The following UHRF1 variants were observed in gnomAD, a reference collection of about 807,000 sequenced individuals.
UHRF1 encodes the protein ubiquitin like with PHD and ring finger domains 1.
Under a neutral mutation model 96.5 loss-of-function variants are expected in UHRF1, and 9 were observed. That is an observed-to-expected ratio of 0.09 (90% confidence interval 0.06 to 0.16). The LOEUF is 0.16. UHRF1 is among the 10% of genes least tolerant of loss of function. The pLI is 1.00. For missense variants in UHRF1, 626 were observed against 1,131.1 expected, an observed-to-expected ratio of 0.55 and a Z score of 6.40; for synonymous variants, 455 against 469.9, an observed-to-expected ratio of 0.97 and a Z score of 0.41.
intron 5 of UHRF1, among the ~76,000 whole-genome samples, chr19:4,934,464 C>T (rs1334199905): frequency 6.6e-6 from 1 of 152,208 alleles, no homozygotes; most frequent in Non-Finnish European, 1.5e-5. Context: ...GAAACACTCA[C>T]TCCCTAGCCC....
intron 2 of UHRF1, among the ~76,000 whole-genome samples, chr19:4,915,028 C>T (rs1415432938): frequency 6.6e-6 from 1 of 152,234 alleles, no homozygotes; most frequent in Admixed American, 6.5e-5. Flanking sequence ...TGGCCTCCAC[C>T]CACTCCATGC....
intron 16 of UHRF1, 147 bp downstream of exon 16, chr19:4,956,960 T>G (rs1160959265): frequency 3.0e-6 from 2 of 664,096 alleles, no homozygotes; most frequent in Non-Finnish European, 5.4e-6. Context: ...TGTTGACTGC[T>G]TTCTGGGCAG....
At chr19:4,909,932 C>T (rs1199858939) in intron 1 of UHRF1, among the ~76,000 whole-genome samples, 1 of 150,886 alleles carries the variant, frequency 6.6e-6, no homozygotes, top group Non-Finnish European at 1.5e-5. Context: ...ATGTCAGGCT[C>T]CGCGCCTGCG....
At chr19:4,927,053 T>A in intron 2 of UHRF1, among the ~76,000 whole-genome samples, 1 of 151,200 alleles carries the variant, frequency 6.6e-6, no homozygotes, top group East Asian at 1.9e-4. Flanking sequence ...AGAGCAAGAT[T>A]CCGCCTCAAA....
At chr19:4,939,336 A>G (rs2033315359) in intron 5 of UHRF1, among the ~76,000 whole-genome samples, 1 of 150,180 alleles carries the variant, frequency 6.7e-6, no homozygotes, top group Non-Finnish European at 1.5e-5. Context: ...TGCTGGGATT[A>G]TAGGTATGAG....
At chr19:4,952,227 G>A (rs376860623) in intron 13 of UHRF1, among the ~76,000 whole-genome samples, 8 of 151,794 alleles carry the variant, frequency 5.3e-5, no homozygotes, top group African/African-American at 1.9e-4. Flanking sequence ...TGAGTAGCTG[G>A]GATTACAGGT....
At chr19:4,937,118 T>G (rs2033240333) in intron 5 of UHRF1, among the ~76,000 whole-genome samples, 2 of 152,174 alleles carry the variant, frequency 1.3e-5, no homozygotes, top group Non-Finnish European at 1.5e-5. Context: ...ATTTTACAAT[T>G]TCAACTTTGT....
chr19:4,931,455 T>G lies in UHRF1; in HGVS notation c.569+579T>G, dbSNP rs1017128906. On this transcript the variant is annotated intron_variant, in intron 4 of 16. Coordinates refer to ENST00000650932, the MANE Select transcript of UHRF1 (RefSeq NM_001048201.3). ...CCACACCCAGCTAATGTTTGTATTT[T>G]TATTTTATTTTATTTTTATTTTATT... Among the ~76,000 whole-genome samples, 12 of 151,790 alleles carry G rather than the reference T, an allele frequency of 7.9e-5. 1 individual carries two copies. Among genetic ancestry groups the G allele is most frequent in the African/African-American group, 2.7e-4 (11 of 41,306 alleles).
At chr19:4,925,158 A>G (rs1234563424) in intron 2 of UHRF1, among the ~76,000 whole-genome samples, 2 of 152,072 alleles carry the variant, frequency 1.3e-5, no homozygotes, top group African/African-American at 4.8e-5. Flanking sequence ...GCTTTATTAT[A>G]TCCCTGCAGT....
chr19:4,943,420 G>A (rs2033466470), intron 7 of UHRF1, among the ~76,000 whole-genome samples: 2 of 151,732 alleles, frequency 1.3e-5, no homozygotes, highest in Non-Finnish European at 1.5e-5. Flanking sequence ...GGGAGGTTGT[G>A]ATGTGCTAGG....
rs1307709709 is a variant in UHRF1 at position 4,939,761 on chromosome 19, A to C, written c.786-1767A>C. On this transcript the variant is annotated intron_variant, in intron 5 of 16. Transcript: ENST00000650932. ...ACATGGGTGCCAGGCGCAGTGGCTC[A>C]TGCCTGTAATCCCAGTACTTTGGGG... Among the ~76,000 whole-genome samples the C allele has an allele frequency of 2.6e-5, 4 of 152,314 alleles. No individual in the cohort carries two copies. The East Asian group carries it at 5.8e-4, about 22-fold the overall frequency.
chr19:4,946,820 C>G (rs974812215), intron 10 of UHRF1, among the ~76,000 whole-genome samples: 1 of 152,124 alleles, frequency 6.6e-6, no homozygotes, highest in Non-Finnish European at 1.5e-5. Context: ...AAGCGATCCT[C>G]CCGCTGCAGC....
chr19:4,960,742 T>C lies in UHRF1; in HGVS notation c.2321T>C (p.Val774Ala). The C allele has an allele frequency of 1.3e-6, 2 of 1,569,500 alleles. No homozygotes were observed. The highest frequency in any genetic ancestry group is 1.7e-6 in the Non-Finnish European group (2 of 1,157,678). Residue 774 changes from valine (V) to alanine (A), a missense_variant, in exon 17 of 17, where the codon GTG becomes GCG. Val to Ala is a moderately conservative substitution (Grantham distance 64, BLOSUM62 0). Coordinates refer to ENST00000650932, the MANE Select transcript of UHRF1 (RefSeq NM_001048201.3). ...YDLGRSYAMQ[V>A]NQPLQTVLNQ... Reference sequence around the variant, plus strand: ...CTGGGCCGCAGCTATGCCATGCAGGTGAACCAGCCTCTGCAGACCGTCCTC... The same window carrying C: ...CTGGGCCGCAGCTATGCCATGCAGGCGAACCAGCCTCTGCAGACCGTCCTC...
upstream of UHRF1, among the ~76,000 whole-genome samples, chr19:4,907,704 C>CTTTTTTTT (rs59867968): frequency 2.1e-5 from 1 of 47,670 alleles, no homozygotes; most frequent in Non-Finnish European, 3.6e-5. Context: ...TTGGCCTGAT[C>CTTTTTTTT]TTTTTTTTTT....
Position 4,929,448 on chromosome 19 carries a change from G to C in UHRF1, c.380G>C (p.Trp127Ser), listed in dbSNP as rs762170829. 6.8e-6 allele frequency: 11 copies of C among 1,613,674 alleles called. No individual in the cohort carries two copies. The highest frequency in any genetic ancestry group is 9.3e-6 in the Non-Finnish European group (11 of 1,179,838). Residue 127 changes from tryptophan to serine, a missense_variant, in exon 3 of 17, where the codon TGG becomes TCG. Coordinates refer to ENST00000650932, the MANE Select transcript of UHRF1 (RefSeq NM_001048201.3). ...TDSRPADEDM[W>S]DETELGLYKV... ...AGCAGGCCAGCCGATGAGGACATGT[G>C]GGATGAGACGGAATTGGGGCTGTAC...
In UHRF1 at chr19:4,954,561, T is replaced by C; in HGVS notation, c.1957+73T>C. 1.3e-6 allele frequency: 2 copies of C among 1,586,006 alleles called. 1 individual carries two copies. The highest frequency in any genetic ancestry group is 2.3e-5 in the South Asian group (2 of 86,562). Reference sequence around the variant, plus strand: ...AGGTGGGCATCTCGCGGGTGTGGGGTTGAGGTCGTGTGGACGTGGGAGCCG... The same window carrying C: ...AGGTGGGCATCTCGCGGGTGTGGGGCTGAGGTCGTGTGGACGTGGGAGCCG... On this transcript the variant is annotated intron_variant, in intron 14 of 16. Transcript: ENST00000650932. The surrounding 1 kb of genome is among the most constrained non-coding windows in gnomAD (Gnocchi z 5.9).
chr19:4,921,706 A>G (rs1004896782), intron 2 of UHRF1, among the ~76,000 whole-genome samples: 2 of 151,030 alleles, frequency 1.3e-5, no homozygotes, highest in Non-Finnish European at 3.0e-5. Context: ...GCAGTGAGCC[A>G]TGGTCGTGCC....
intron 2 of UHRF1, among the ~76,000 whole-genome samples, chr19:4,912,609 C>T (rs774839954): frequency 1.3e-5 from 2 of 152,154 alleles, no homozygotes; most frequent in Non-Finnish European, 2.9e-5. Flanking sequence ...TATCTTGAAG[C>T]GCTCTGTCTT....
intron 4 of UHRF1, 21 bp from the exon 5 acceptor site, chr19:4,932,720 A>C (rs779802464): frequency 6.2e-7 from 1 of 1,612,272 alleles, no homozygotes; most frequent in Non-Finnish European, 8.5e-7. Flanking sequence ...ACGGGGTCTA[A>C]GGCCCGGGCT....
Sources: allele counts gnomAD v4.1 joint callset (sites outside exome capture counted in the v4.1 genomes callset), GRCh38; gene constraint gnomAD v4.1.1; non-coding constraint Gnocchi (gnomAD v3.1); transcripts MANE v1.5; gene names NCBI Gene and HGNC (gene_info 2026-07-23, HGNC 2026-07-21).